The following TTLL4 variants were observed in gnomAD, a reference collection of about 807,000 sequenced individuals.
The protein encoded by TTLL4 is tubulin tyrosine ligase like 4, also known as tubulin monoglutamylase TTLL4.
Under a neutral mutation model 122.7 loss-of-function variants are expected in TTLL4, and 85 were observed. The ratio of observed to expected loss-of-function variants is 0.69; its 90% CI spans 0.58 to 0.83. TTLL4 has a LOEUF of 0.83. Ranked by LOEUF, TTLL4 falls within the 40% of genes least tolerant of loss-of-function variation. The pLI is 0.00. For synonymous variants in TTLL4, 553 were observed against 563.0 expected (o/e 0.98, Z 0.25); for missense variants, 1,363 against 1,488.6 (o/e 0.92, Z 1.39).
Position 218,752,773 on chromosome 2 carries a change from C to A in TTLL4, c.2987C>A (p.Ala996Glu). ...TTCCTTGGACCACAGGACTTCTATGCATCTGTGCTGGATGTCCTGACACCA... is the reference window on the plus strand; with the variant it reads ...TTCCTTGGACCACAGGACTTCTATGAATCTGTGCTGGATGTCCTGACACCA... ...TQKIPDQDFY[A>E]SVLDVLTPDD... The change falls in exon 17 of 20, where the codon GCA becomes GAA. Residue 996 changes from alanine to glutamate, a missense_variant. Ala to Glu is a moderately radical substitution (Grantham distance 107). Coordinates refer to ENST00000392102, the MANE Select transcript of TTLL4 (RefSeq NM_014640.5). 6.2e-7 allele frequency: 1 copy of A among 1,614,188 alleles called. No homozygotes were observed. Among genetic ancestry groups the A allele is most frequent in the Non-Finnish European group, 8.5e-7 (1 of 1,180,032 alleles).
At chr2:218,742,363 G>T (rs977323608) in intron 5 of TTLL4, among the ~76,000 whole-genome samples, 1 of 152,108 alleles carries the variant, frequency 6.6e-6, no homozygotes, top group African/African-American at 2.4e-5. Flanking sequence ...TCTCTATTAT[G>T]AAACATTTGT....
In TTLL4 at chr2:218,737,742, T is replaced by G; in HGVS notation, c.66T>G (p.Ser22Arg). The change falls in exon 3 of 20, where the codon AGT (serine) becomes AGG (arginine). Residue 22 changes from serine (S) to arginine (R), a missense_variant. Around this residue, in one of 3 missense-constraint regions of TTLL4, gnomAD observed 760 missense variants for 808.4 expected, o/e 0.94. Transcript: ENST00000392102. ...GCCAGAAAAACAGCTTCAAGCAGAGTGGTCCCTCAGGCACAGTACCTGCCA... is the reference window on the plus strand; with the variant it reads ...GCCAGAAAAACAGCTTCAAGCAGAGGGGTCCCTCAGGCACAGTACCTGCCA... ...GLRQKNSFKQ[S>R]GPSGTVPATP... The G allele has an allele frequency of 6.2e-7, 1 of 1,613,818 alleles. No individual in the cohort carries two copies. Among genetic ancestry groups the G allele is most frequent in the Non-Finnish European group, 8.5e-7 (1 of 1,179,912 alleles).
At chr2:218,751,683 T>G in intron 15 of TTLL4, 21 bp from the exon 16 acceptor site, 1 of 1,609,436 alleles carries the variant, frequency 6.2e-7, no homozygotes, top group Non-Finnish European at 8.5e-7. Context: ...CCCTTTGCTT[T>G]CTTTCTGGCC....
At chr2:218,743,317 C>T (rs1379900420) in intron 5 of TTLL4, among the ~76,000 whole-genome samples, 3 of 152,162 alleles carry the variant, frequency 2.0e-5, no homozygotes, top group Non-Finnish European at 2.9e-5. Flanking sequence ...TTGACATTGA[C>T]GTTTTTTCAT....
rs1943124117 is a variant in TTLL4 at position 218,755,014 on chromosome 2, C to G, written c.*625C>G. On this transcript the variant is annotated 3_prime_UTR_variant, in exon 20 of 20. Transcript: ENST00000392102. Reference sequence around the variant, plus strand: ...AGCCCTAGGTCTTCCTGTTCTGACCCCCCATCACTGCTCGTTCAGCCTTCT... The same window carrying G: ...AGCCCTAGGTCTTCCTGTTCTGACCGCCCATCACTGCTCGTTCAGCCTTCT... 1 of 153,338 alleles carries G rather than the reference C, an allele frequency of 6.5e-6. No homozygotes were observed. Among genetic ancestry groups the G allele is most frequent in the Non-Finnish European group, 1.5e-5 (1 of 68,942 alleles). 9.5% of individuals were successfully genotyped at this position (153,338 alleles called of 1,614,324 possible). A position where few individuals can be genotyped will look rare whatever the true frequency, so the allele number is the denominator to read the frequency against.
chr2:218,738,980 C>A lies in TTLL4; in HGVS notation c.1304C>A (p.Pro435His). ...ASHASGLNHN[P>H]ACESVIDSSA... ...CATGCCAGTGGGCTCAATCACAACC[C>A]TGCCTGTGAATCTGTAATTGACTCC... Residue 435 changes from proline to histidine, a missense_variant, in exon 3 of 20, where the codon CCT becomes CAT. This residue lies in a region of TTLL4 where 760 missense variants were observed against 808.4 expected (regional missense o/e 0.94). Transcript: ENST00000392102. The A allele has an allele frequency of 1.2e-6, 2 of 1,614,216 alleles. No homozygotes were observed. The highest frequency in any genetic ancestry group is 1.7e-6 in the Non-Finnish European group (2 of 1,180,040).
Position 218,730,342 on chromosome 2 carries a change from A to G in TTLL4, c.-99+2995A>G, listed in dbSNP as rs1313318266. On this transcript the variant is annotated intron_variant, in intron 2 of 19. Coordinates refer to ENST00000392102, the MANE Select transcript of TTLL4 (RefSeq NM_014640.5). ...AAAAAAAAAAAAAAAAAAAAAAAAAAAAAAAAAGAAAAAAAATTAGCTGGG... is the reference window on the plus strand; with the variant it reads ...AAAAAAAAAAAAAAAAAAAAAAAAAGAAAAAAAGAAAAAAAATTAGCTGGG... Among the ~76,000 whole-genome samples the G allele has an allele frequency of 3.5e-3, 496 of 139,866 alleles. 8 individuals carry two copies. The highest frequency in any genetic ancestry group is 0.013 in the African/African-American group (466 of 36,904). 91.8% of individuals were successfully genotyped at this position (139,866 alleles called of 152,430 possible).
At position 218,731,901 on chromosome 2, in the gene TTLL4, A is replaced by G. The variant is rs1458823258; in HGVS notation, c.-99+4554A>G. ...TAGGCTTGTTTTCTTCTAAACTTGA[A>G]CTCTGCCTGCTATAGCTTAGTGTTT... is the stretch of plus-strand genomic sequence containing the variant. On this transcript the variant is annotated intron_variant, in intron 2 of 19. Coordinates refer to ENST00000392102, the MANE Select transcript of TTLL4 (RefSeq NM_014640.5). Among the ~76,000 whole-genome samples, 3 of 151,544 alleles carry G rather than the reference A, an allele frequency of 2.0e-5. No homozygotes were observed. In the East Asian group the frequency reaches 5.8e-4, roughly 29 times the overall value.
intron 1 of TTLL4, among the ~76,000 whole-genome samples, chr2:218,726,429 T>C (rs554032355): frequency 3.3e-5 from 5 of 152,328 alleles, no homozygotes; most frequent in African/African-American, 9.6e-5. Context: ...TGGACTTGGA[T>C]ATATGTATCT....
intron 16 of TTLL4, 92 bp from the exon 17 acceptor site, chr2:218,752,671 A>C: frequency 7.2e-7 from 1 of 1,383,272 alleles, no homozygotes. Flanking sequence ...GTAGGACCCC[A>C]GGGGTGTGCT....
chr2:218,751,892 T>C, intron 16 of TTLL4, 86 bp downstream of exon 16: 1 of 860,920 alleles, frequency 1.2e-6, no homozygotes, highest in Non-Finnish European at 1.7e-6. Context: ...CTTTTCTTTT[T>C]TTTTTTCTTT....
chr2:218,731,433 A>G (rs1942380333), intron 2 of TTLL4, among the ~76,000 whole-genome samples: 2 of 152,070 alleles, frequency 1.3e-5, no homozygotes, highest in Admixed American at 1.3e-4. Flanking sequence ...AAATTTCACA[A>G]AAGCTCCCAA....
intron 2 of TTLL4, among the ~76,000 whole-genome samples, 191 bp from the exon 3 acceptor site, chr2:218,737,388 T>C (rs1395934160): frequency 6.6e-6 from 1 of 152,156 alleles, no homozygotes; most frequent in Non-Finnish European, 1.5e-5. Flanking sequence ...TTTGATCCTA[T>C]GAGGGCAGTA....
chr2:218,749,190 A>AT (rs768009443), intron 13 of TTLL4, 63 bp from the exon 14 acceptor site: 271 of 1,590,772 alleles, frequency 1.7e-4, no homozygotes, highest in Non-Finnish European at 2.0e-4. Flanking sequence ...TTTTGGCAGG[A>AT]TAGCTCTGAG....
intron 2 of TTLL4, among the ~76,000 whole-genome samples, chr2:218,730,329 A>AAG (rs1942338426): frequency 3.7e-5 from 2 of 53,726 alleles, no homozygotes; most frequent in African/African-American, 9.6e-5. Context: ...AAAAAAAAAA[A>AAG]AAAAAAAAAA....
intron 2 of TTLL4, among the ~76,000 whole-genome samples, chr2:218,730,467 C>T (rs957102118): frequency 4.0e-5 from 6 of 151,784 alleles, no homozygotes; most frequent in Non-Finnish European, 8.8e-5. Context: ...GAGATCATGC[C>T]ACTGCACTCC....
At chr2:218,733,919 G>A (rs1942447150) in intron 2 of TTLL4, among the ~76,000 whole-genome samples, 1 of 152,200 alleles carries the variant, frequency 6.6e-6, no homozygotes, top group Admixed American at 6.5e-5. Context: ...AAGGGAGAGT[G>A]GGATTGGCTG....
At chr2:218,746,507 T>C (rs1490888561) in intron 8 of TTLL4, 4 of 487,574 alleles carry the variant, frequency 8.2e-6, no homozygotes, top group African/African-American at 1.9e-5. Context: ...AGGGTGTAAC[T>C]CTGAAATCCT....
intron 11 of TTLL4, 78 bp from the exon 12 acceptor site, chr2:218,748,027 G>A (rs1559372876): frequency 1.9e-6 from 3 of 1,577,946 alleles, no homozygotes; most frequent in Middle Eastern, 1.7e-4. Flanking sequence ...ACCTCTTCAG[G>A]ATTTGGGGAA....
Sources: gnomAD v4.1 joint callset for allele counts (sites outside exome capture counted in the v4.1 genomes callset) on GRCh38, gnomAD v4.1.1 for gene constraint, gnomAD v4.1.1 regional missense constraint, MANE v1.5 for transcripts, NCBI Gene and HGNC (gene_info 2026-07-23, HGNC 2026-07-21) for gene names.